The following SLIT2 variants were observed in gnomAD, a reference collection of about 807,000 sequenced individuals.
SLIT2 encodes slit guidance ligand 2, also known as slit homolog 2 protein.
SLIT2 carries 41 observed loss-of-function variants against 185.7 expected under a neutral mutation model. The observed-to-expected ratio is 0.22, with a 90% CI of 0.17 to 0.29. The LOEUF (loss-of-function observed/expected upper bound fraction) is 0.29, where lower values mean the gene tolerates loss of function less well. Among genes scored for constraint, SLIT2 ranks in the 10% least tolerant of loss-of-function variants. The pLI is 1.00. For synonymous variants in SLIT2, 693 were observed against 680.2 expected (o/e 1.02, Z -0.29); for missense variants, 1,571 against 1,909.0 (o/e 0.82, Z 3.30).
intron 3 of SLIT2, among the ~76,000 whole-genome samples, chr4:20,267,408 T>C (rs904568835): frequency 6.6e-6 from 1 of 151,862 alleles, no homozygotes; most frequent in Non-Finnish European, 1.5e-5. Flanking sequence ...GGCCTGAGAA[T>C]GTTTCTGTAG....
intron 4 of SLIT2, among the ~76,000 whole-genome samples, chr4:20,302,469 G>A (rs1400819083): frequency 6.6e-6 from 1 of 152,124 alleles, no homozygotes; most frequent in African/African-American, 2.4e-5. Flanking sequence ...AATGTCTATG[G>A]GGGGGATGGA....
At chr4:20,471,034 G>A (rs982375481) in intron 5 of SLIT2, among the ~76,000 whole-genome samples, 1 of 152,162 alleles carries the variant, frequency 6.6e-6, no homozygotes, top group East Asian at 1.9e-4. Flanking sequence ...TGGATGATGA[G>A]TGATGTTGAT....
Position 20,546,089 on chromosome 4 carries a change from T to G in SLIT2, c.2335T>G (p.Leu779Val), listed in dbSNP as rs934051993. 3 of 1,578,096 alleles carry G rather than the reference T, an allele frequency of 1.9e-6. No homozygotes were observed. The Admixed American group carries it at 5.2e-5, about 27-fold the overall frequency. The part of the protein sequence containing the change: ...VPKELSNYKH[L>V]TLIDLSNNRI... ...CAAGGAACTCTCCAACTACAAACATTTAACACTTATGTGAGTAACATATTG... is the reference window on the plus strand; with the variant it reads ...CAAGGAACTCTCCAACTACAAACATGTAACACTTATGTGAGTAACATATTG... The change falls in exon 22 of 37, where the codon TTA becomes GTA. Residue 779 changes from leucine to valine, a missense_variant. Transcript: ENST00000504154.
chr4:20,477,623 A>G (rs1351886885), intron 5 of SLIT2, among the ~76,000 whole-genome samples: 4 of 152,232 alleles, frequency 2.6e-5, no homozygotes, highest in African/African-American at 9.6e-5. Context: ...AACAGAAGCC[A>G]AAGGGAAGAT....
intron 3 of SLIT2, among the ~76,000 whole-genome samples, chr4:20,264,538 G>A (rs1387556188): frequency 1.1e-4 from 16 of 151,800 alleles, no homozygotes; most frequent in African/African-American, 3.4e-4. Context: ...GGTGAAAGTC[G>A]CAAAAAGTAA....
intron 4 of SLIT2, among the ~76,000 whole-genome samples, chr4:20,455,473 A>G (rs1215846561): frequency 6.6e-6 from 1 of 152,176 alleles, no homozygotes; most frequent in African/African-American, 2.4e-5. Flanking sequence ...AACCAAAGAG[A>G]ATAGTAAATA....
chr4:20,317,352 G>C (rs1718694269), intron 4 of SLIT2, among the ~76,000 whole-genome samples: 1 of 151,894 alleles, frequency 6.6e-6, no homozygotes, highest in South Asian at 2.1e-4. Context: ...TGTATTTTAA[G>C]GTACCAAAGC....
intron 4 of SLIT2, among the ~76,000 whole-genome samples, chr4:20,407,621 C>G (rs1413908200): frequency 6.6e-6 from 1 of 152,134 alleles, no homozygotes; most frequent in Non-Finnish European, 1.5e-5. Flanking sequence ...TCAGCAAACT[C>G]AATTGGCAGG....
chr4:20,496,184 C>A (rs568689264), intron 9 of SLIT2, among the ~76,000 whole-genome samples: 2 of 152,100 alleles, frequency 1.3e-5, no homozygotes, highest in African/African-American at 4.8e-5. Context: ...TGATCAACTG[C>A]CTATAAATCT....
Position 20,600,485 on chromosome 4 carries a change from C to T in SLIT2, c.3692+2090C>T, listed in dbSNP as rs531922475. On this transcript the variant is annotated intron_variant, in intron 33 of 36. Coordinates refer to ENST00000504154, the MANE Select transcript of SLIT2 (RefSeq NM_004787.4). ...TCACCCAGGCTGGAGTGCAGTGGTG[C>T]GATCTTGGCTCACTGCAAGCTCCGC... is the stretch of plus-strand genomic sequence containing the variant. Among the ~76,000 whole-genome samples, 56 of 132,774 alleles carry T rather than the reference C, an allele frequency of 4.2e-4. 2 individuals are homozygous for T. Among genetic ancestry groups the T allele is most frequent in the Middle Eastern group, 0.011 (2 of 190 alleles). 87.1% of individuals were successfully genotyped at this position (132,774 alleles called of 152,430 possible).
At chr4:20,413,711 A>AT (rs1192605584) in intron 4 of SLIT2, among the ~76,000 whole-genome samples, 2 of 151,948 alleles carry the variant, frequency 1.3e-5, no homozygotes, top group East Asian at 1.9e-4. Flanking sequence ...CTATTAACAG[A>AT]TTTTTTCCTA....
intron 4 of SLIT2, among the ~76,000 whole-genome samples, chr4:20,391,808 GTTCTT>G (rs1725437742): frequency 6.6e-6 from 1 of 151,920 alleles, no homozygotes; most frequent in African/African-American, 2.4e-5. Flanking sequence ...TATCTATATG[GTTCTT>G]TTCTTTGTTT....
intron 36 of SLIT2, 27 bp downstream of exon 36, chr4:20,617,677 T>G: frequency 6.4e-7 from 1 of 1,565,370 alleles, no homozygotes; most frequent in East Asian, 2.3e-5. Flanking sequence ...GGGCACCTCA[T>G]TCTCTTGGCA....
At chr4:20,536,804 A>G (rs185149174) in intron 18 of SLIT2, among the ~76,000 whole-genome samples, 2 of 151,714 alleles carry the variant, frequency 1.3e-5, no homozygotes. Context: ...TTTATTTTCT[A>G]TTATTCTTTT....
At chr4:20,609,119 C>A (rs1445376314) in intron 33 of SLIT2, among the ~76,000 whole-genome samples, 1 of 152,164 alleles carries the variant, frequency 6.6e-6, no homozygotes, top group Non-Finnish European at 1.5e-5. Flanking sequence ...AGATATGCAA[C>A]TACACTTTAA....
At chr4:20,411,693 ATC>A (rs1221216835) in intron 4 of SLIT2, among the ~76,000 whole-genome samples, 1 of 152,178 alleles carries the variant, frequency 6.6e-6, no homozygotes, top group Non-Finnish European at 1.5e-5. Context: ...AAAATCCATG[ATC>A]TTTACACTAC....
At chr4:20,334,147 G>T (rs1182726792) in intron 4 of SLIT2, among the ~76,000 whole-genome samples, 1 of 151,960 alleles carries the variant, frequency 6.6e-6, no homozygotes, top group African/African-American at 2.4e-5. Flanking sequence ...GTTATCCCTC[G>T]CTAGAGAAAT....
intron 34 of SLIT2, among the ~76,000 whole-genome samples, chr4:20,611,235 A>T (rs1234455410): frequency 6.6e-6 from 1 of 152,174 alleles, no homozygotes; most frequent in East Asian, 1.9e-4. Context: ...CCATTATCTC[A>T]ACCACTCAAA....
At chr4:20,583,129 G>A (rs1560214371) in intron 29 of SLIT2, among the ~76,000 whole-genome samples, 1 of 152,148 alleles carries the variant, frequency 6.6e-6, no homozygotes, top group Non-Finnish European at 1.5e-5. Context: ...CCGATAAAGG[G>A]GGACTACTTT....
Sources: gnomAD v4.1 joint callset for allele counts (sites outside exome capture counted in the v4.1 genomes callset) on GRCh38, gnomAD v4.1.1 for gene constraint, MANE v1.5 for transcripts, NCBI Gene and HGNC (gene_info 2026-07-23, HGNC 2026-07-21) for gene names.